The following ERI3 variants were observed in gnomAD, a reference collection of about 807,000 sequenced individuals.
The protein encoded by ERI3 is ERI1 exoribonuclease 3.
In ERI3, 18 loss-of-function variants were observed where a neutral mutation model predicts 44.4. The observed-to-expected ratio is 0.41, with a 90% CI of 0.28 to 0.60. The LOEUF is 0.60. ERI3 is among the 20% of genes least tolerant of loss of function. The pLI is 0.36. For missense variants in ERI3, 294 were observed against 435.5 expected, an observed-to-expected ratio of 0.68 and a Z score of 2.89; for synonymous variants, 183 against 164.8, an observed-to-expected ratio of 1.11 and a Z score of -0.84.
intron 3 of ERI3, among the ~76,000 whole-genome samples, chr1:44,336,230 G>T (rs1646533670): frequency 1.3e-5 from 2 of 152,146 alleles, no homozygotes; most frequent in South Asian, 4.1e-4. Flanking sequence ...TCAATGGAAG[G>T]ATGCTATTCT....
At position 44,249,823 on chromosome 1, in the gene ERI3, T is replaced by C. The variant is rs538519832; in HGVS notation, c.832-1785A>G. Among the ~76,000 whole-genome samples, 91 of 152,288 alleles carry C rather than the reference T, an allele frequency of 6.0e-4. No individual in the cohort carries two copies. In the Middle Eastern group the frequency reaches 0.017, roughly 28 times the overall value. ...TGGAGCGCAGTGGGCCAGAGAGCAG[T>C]GGCGGCTGCCTTTCAAGTACTTTAA... On this transcript the variant is annotated intron_variant, in intron 7 of 8. Transcript: ENST00000372257.
intron 7 of ERI3, among the ~76,000 whole-genome samples, chr1:44,248,774 A>T (rs987095843): frequency 1.3e-5 from 2 of 151,890 alleles, no homozygotes; most frequent in Admixed American, 1.3e-4. Context: ...TCACTTATGC[A>T]TATTCAAAGC....
chr1:44,259,442 T>G (rs896848198), intron 7 of ERI3, among the ~76,000 whole-genome samples: 4 of 152,074 alleles, frequency 2.6e-5, no homozygotes, highest in South Asian at 2.1e-4. Context: ...ATGCAGCCCA[T>G]GCAGGACCTC....
rs61769061 is a variant in ERI3 at position 44,337,843 on chromosome 1, G to A, written c.489+1202C>T. ...CCTCCCTACCTTCGAAGTGCCCGAT[G>A]CTGAGGTCCCCTTCTCTCCCTCCTC... On this transcript the variant is annotated intron_variant, in intron 3 of 8. Coordinates refer to ENST00000372257, the MANE Select transcript of ERI3 (RefSeq NM_024066.3). 9.6e-3 allele frequency among the ~76,000 whole-genome samples: 1,465 copies of A among 152,266 alleles called. 13 individuals carry two copies. Among genetic ancestry groups the A allele is most frequent in the Non-Finnish European group, 0.016 (1,071 of 68,022 alleles).
Position 44,221,312 on chromosome 1 carries a change from G to A in ERI3, c.*246C>T, listed in dbSNP as rs1643894296. 1 of 533,036 alleles carries A rather than the reference G, an allele frequency of 1.9e-6. No homozygotes were observed. The highest frequency in any genetic ancestry group is 3.4e-6 in the Non-Finnish European group (1 of 296,798). 33.0% of individuals were successfully genotyped at this position (533,036 alleles called of 1,614,324 possible). On this transcript the variant is annotated 3_prime_UTR_variant, in exon 9 of 9. Transcript: ENST00000372257. This position sits in a 1 kb window ranked among gnomAD's most constrained non-coding sequence, Gnocchi z 5.9. ...CCTAGCCCAGGCCCGCAATGGGAGG[G>A]GCTGATACTGGGCTGAGATTGAGGG...
chr1:44,290,289 G>A (rs936272059), intron 6 of ERI3, among the ~76,000 whole-genome samples: 1 of 152,160 alleles, frequency 6.6e-6, no homozygotes, highest in Non-Finnish European at 1.5e-5. Flanking sequence ...CTTCTTCAAA[G>A]TCATCATGGG....
intron 7 of ERI3, among the ~76,000 whole-genome samples, chr1:44,254,843 T>G (rs1466169810): frequency 6.6e-6 from 1 of 151,678 alleles, no homozygotes; most frequent in Non-Finnish European, 1.5e-5. Context: ...AACACCGTAC[T>G]TGTGCTTTAC....
intron 7 of ERI3, among the ~76,000 whole-genome samples, chr1:44,265,586 G>A (rs893172667): frequency 2.0e-5 from 3 of 151,548 alleles, no homozygotes; most frequent in African/African-American, 4.9e-5. Flanking sequence ...AAGTGAACTC[G>A]CACATGAATG....
At chr1:44,354,049 A>G in intron 1 of ERI3, 1 of 985,484 alleles carries the variant, frequency 1.0e-6, no homozygotes, top group Non-Finnish European at 1.2e-6. Flanking sequence ...CACTAAAACA[A>G]GGCATGCTGT....
chr1:44,247,054 A>G (rs557890934), intron 8 of ERI3, among the ~76,000 whole-genome samples: 1 of 152,314 alleles, frequency 6.6e-6, no homozygotes, highest in African/African-American at 2.4e-5. Flanking sequence ...TGCAAACAAA[A>G]TAAGATATAC....
intron 2 of ERI3, among the ~76,000 whole-genome samples, chr1:44,351,220 G>C (rs1473002784): frequency 1.3e-5 from 2 of 152,000 alleles, no homozygotes; most frequent in African/African-American, 4.8e-5. Flanking sequence ...TTTTAGTAGA[G>C]ACAGGGTTTC....
At chr1:44,294,122 C>T (rs1645563540) in intron 6 of ERI3, among the ~76,000 whole-genome samples, 1 of 152,208 alleles carries the variant, frequency 6.6e-6, no homozygotes, top group Non-Finnish European at 1.5e-5. Context: ...CTTGGTTTCC[C>T]TATAGTACAG....
chr1:44,243,799 T>C (rs1050333710), intron 8 of ERI3: 6 of 152,154 alleles, frequency 3.9e-5, no homozygotes, highest in African/African-American at 1.4e-4. Context: ...CTGAGGGAAA[T>C]GAGGGAAGCG....
chr1:44,354,611 T>C (rs1646960096), intron 1 of ERI3: 1 of 985,430 alleles, frequency 1.0e-6, no homozygotes, highest in African/African-American at 1.7e-5. Flanking sequence ...GGGAATGTTC[T>C]ACCCACAATC....
chr1:44,247,746 T>C (rs975000740), intron 8 of ERI3, among the ~76,000 whole-genome samples, 193 bp downstream of exon 8: 1 of 152,138 alleles, frequency 6.6e-6, no homozygotes, highest in African/African-American at 2.4e-5. Flanking sequence ...AATACCACTT[T>C]GAGTGGTGCC....
At chr1:44,312,024 C>T (rs564154008) in intron 5 of ERI3, among the ~76,000 whole-genome samples, 1 of 152,180 alleles carries the variant, frequency 6.6e-6, no homozygotes, top group African/African-American at 2.4e-5. Flanking sequence ...TAGGTTCCCA[C>T]ACTCCCAGGG....
intron 8 of ERI3, among the ~76,000 whole-genome samples, chr1:44,223,663 C>T (rs919812794): frequency 5.3e-5 from 8 of 152,136 alleles, no homozygotes; most frequent in Non-Finnish European, 8.8e-5. Flanking sequence ...CTGGACAAAT[C>T]GTTCAATTTG....
At chr1:44,308,275 A>G in intron 6 of ERI3, 35 bp downstream of exon 6, 1 of 1,497,708 alleles carries the variant, frequency 6.7e-7, no homozygotes, top group South Asian at 1.1e-5. Context: ...ACAGATTCCA[A>G]GCCCTGCCAG....
chr1:44,310,951 T>TCGCG (rs141114785), intron 5 of ERI3, among the ~76,000 whole-genome samples: 1,322 of 94,344 alleles, frequency 0.014, 23 homozygotes, highest in Non-Finnish European at 0.019. Context: ...TATGTGCACA[T>TCGCG]CGCGCGCGCG....
Sources: gnomAD v4.1 joint callset for allele counts (sites outside exome capture counted in the v4.1 genomes callset) on GRCh38, gnomAD v4.1.1 for gene constraint, Gnocchi (gnomAD v3.1) non-coding constraint, MANE v1.5 for transcripts, NCBI Gene and HGNC (gene_info 2026-07-23, HGNC 2026-07-21) for gene names.